The following INSR variants were observed in gnomAD, a reference collection of about 807,000 sequenced individuals.
INSR encodes the protein IR.
INSR carries 67 observed loss-of-function variants against 142.6 expected under a neutral mutation model. The observed-to-expected ratio is 0.47, with a 90% CI of 0.39 to 0.58. The LOEUF (loss-of-function observed/expected upper bound fraction) is 0.58, where lower values mean the gene tolerates loss of function less well. Ranked by LOEUF, INSR falls within the 20% of genes least tolerant of loss-of-function variation. The pLI, the probability that INSR is intolerant of heterozygous loss-of-function variation, is 0.00. For missense variants in INSR, 1,248 were observed against 1,833.2 expected, an observed-to-expected ratio of 0.68 and a Z score of 5.83; for synonymous variants, 756 against 743.1, an observed-to-expected ratio of 1.02 and a Z score of -0.28.
At chr19:7,158,883 A>G (rs933293675) in intron 9 of INSR, among the ~76,000 whole-genome samples, 1 of 152,142 alleles carries the variant, frequency 6.6e-6, no homozygotes, top group Non-Finnish European at 1.5e-5. Context: ...CACATAAAAT[A>G]TACCAATTTA....
intron 4 of INSR, 94 bp downstream of exon 4, chr19:7,174,489 G>A (rs910890161): frequency 2.9e-6 from 4 of 1,390,578 alleles, no homozygotes; most frequent in Admixed American, 1.7e-5. Context: ...GTAGGAGCAC[G>A]CAGCAGGGTC....
intron 2 of INSR, among the ~76,000 whole-genome samples, chr19:7,210,832 C>G (rs2145072306): frequency 6.6e-6 from 1 of 152,132 alleles, no homozygotes; most frequent in East Asian, 1.9e-4. Flanking sequence ...CGGTTTCAAG[C>G]AATTCTCCTG....
intron 1 of INSR, among the ~76,000 whole-genome samples, chr19:7,287,843 C>T (rs994320596): frequency 2.6e-5 from 4 of 152,134 alleles, no homozygotes; most frequent in African/African-American, 4.8e-5. Flanking sequence ...GGTCAGCAAA[C>T]GCTGTTCTGT....
intron 2 of INSR, among the ~76,000 whole-genome samples, chr19:7,194,423 A>G (rs201024369): frequency 8.0e-5 from 3 of 37,336 alleles, no homozygotes; most frequent in African/African-American, 7.8e-4. Context: ...TCTCAAAAAA[A>G]GAAAAAAAAA....
At chr19:7,130,794 TC>T (rs1972758176) in intron 14 of INSR, among the ~76,000 whole-genome samples, 1 of 152,032 alleles carries the variant, frequency 6.6e-6, no homozygotes, top group African/African-American at 2.4e-5. Flanking sequence ...TTCTCTTCTT[TC>T]TTTTTCTTTC....
chr19:7,135,546 G>A (rs1039901429), intron 13 of INSR, among the ~76,000 whole-genome samples: 15 of 150,660 alleles, frequency 1.0e-4, no homozygotes, highest in Non-Finnish European at 1.9e-4. Flanking sequence ...GCATGGTGGC[G>A]GATGGCGGGC....
chr19:7,289,917 C>T (rs1339591320), intron 1 of INSR, among the ~76,000 whole-genome samples: 8 of 152,156 alleles, frequency 5.3e-5, no homozygotes, highest in African/African-American at 9.7e-5. Context: ...CAGCCCCCAC[C>T]ACCAGGAATG....
rs900652107 is a variant in INSR, at chr19:7,192,861, G to A, written c.653-8224C>T. Among the ~76,000 whole-genome samples the A allele has an allele frequency of 6.6e-6, 1 of 152,110 alleles. No homozygotes were observed. Among genetic ancestry groups the A allele is most frequent in the Admixed American group, 6.6e-5 (1 of 15,240 alleles). ...TCATCTTCCTGAAACTTTCAGCTGCGGTGGCTTTTTCACTATACACTGCTG... is the reference window on the plus strand; with the variant it reads ...TCATCTTCCTGAAACTTTCAGCTGCAGTGGCTTTTTCACTATACACTGCTG... On this transcript the variant is annotated intron_variant, in intron 2 of 21. Coordinates refer to ENST00000302850, the MANE Select transcript of INSR (RefSeq NM_000208.4). The surrounding 1 kb of genome is among the most constrained non-coding windows in gnomAD (Gnocchi z 4.2).
In INSR at chr19:7,119,709, A is replaced by AAC; in HGVS notation, c.3660-128_3660-127dup. ...ACACACATGCCAACACATACATGCA[A>AAC]ACACACACATGCAAACACACACGCA... On this transcript the variant is annotated intron_variant, in intron 20 of 21. Transcript: ENST00000302850. The surrounding 1 kb of genome is among the most constrained non-coding windows in gnomAD (Gnocchi z 5.2). 2 of 1,067,124 alleles carry AAC rather than the reference A, an allele frequency of 1.9e-6. No individual in the cohort carries two copies. Among genetic ancestry groups the AAC allele is most frequent in the Non-Finnish European group, 2.8e-6 (2 of 707,934 alleles). The allele number at this position is 1,067,124 out of a possible 1,614,324, so 66.1% of individuals were successfully genotyped here.
intron 2 of INSR, among the ~76,000 whole-genome samples, chr19:7,217,810 T>C (rs554024629): frequency 4.1e-4 from 63 of 152,326 alleles, no homozygotes; most frequent in African/African-American, 1.3e-3. Flanking sequence ...CCACCCGCCT[T>C]GGCCTCCCAA....
chr19:7,279,180 C>G (rs1225360020), intron 1 of INSR, among the ~76,000 whole-genome samples: 1 of 151,736 alleles, frequency 6.6e-6, no homozygotes, highest in Non-Finnish European at 1.5e-5. Flanking sequence ...TCCCTCTAGA[C>G]AGGGCACAGT....
At chr19:7,174,394 G>A (rs1974088193) in intron 4 of INSR, among the ~76,000 whole-genome samples, 189 bp downstream of exon 4, 1 of 152,128 alleles carries the variant, frequency 6.6e-6, no homozygotes, top group African/African-American at 2.4e-5. Context: ...GGCCAAGACT[G>A]AGCTGTTCAT....
chr19:7,150,772 T>A lies in INSR; in HGVS notation c.2232-240A>T, dbSNP rs1482499451. 6.6e-6 allele frequency among the ~76,000 whole-genome samples: 1 copy of A among 152,120 alleles called. No individual in the cohort carries two copies. Among genetic ancestry groups the A allele is most frequent in the Non-Finnish European group, 1.5e-5 (1 of 68,008 alleles). ...TCTCCCCAGAGACGGCCTGCTGAGGTGGCCCTGGGATGTCAAACGTGACTA... is the reference window on the plus strand; with the variant it reads ...TCTCCCCAGAGACGGCCTGCTGAGGAGGCCCTGGGATGTCAAACGTGACTA... On this transcript the variant is annotated intron_variant, in intron 10 of 21. Coordinates refer to ENST00000302850, the MANE Select transcript of INSR (RefSeq NM_000208.4). The surrounding 1 kb of genome is among the most constrained non-coding windows in gnomAD (Gnocchi z 4.2).
At chr19:7,288,658 GAAAAAAAAA>G (rs57281993) in intron 1 of INSR, among the ~76,000 whole-genome samples, 1,015 of 97,128 alleles carry the variant, frequency 0.01, 16 homozygotes, top group African/African-American at 0.032. Flanking sequence ...ATAAAAATTG[GAAAAAAAAA>G]AAAAAAAAAA....
intron 11 of INSR, among the ~76,000 whole-genome samples, chr19:7,148,477 C>CTTTTTTTTTTTTTTTTTTTTT (rs71177160): frequency 1.1e-5 from 1 of 95,062 alleles, no homozygotes; most frequent in Non-Finnish European, 1.9e-5. Context: ...TGTATTTATT[C>CTTTTTTTTTTTTTTTTTTTTT]TTTTTTTTTT....
At chr19:7,117,688 C>A (rs1972370724) in intron 21 of INSR, among the ~76,000 whole-genome samples, 1 of 152,136 alleles carries the variant, frequency 6.6e-6, no homozygotes, top group African/African-American at 2.4e-5. Flanking sequence ...CTCACTGCAG[C>A]CTCTGCCTCC....
At position 7,141,764 on chromosome 19, in the gene INSR, G is replaced by A. The variant is rs2229431; in HGVS notation, c.2595C>T (p.Asn865=). Residue 865 remains asparagine (N), a synonymous_variant, in exon 13 of 22, where the codon AAC becomes AAT. Coordinates refer to ENST00000302850, the MANE Select transcript of INSR (RefSeq NM_000208.4). The stretch of plus-strand genomic sequence containing the variant: ...GCTCCTGCCACATCAAGTGGACGAC[G>A]TTGTTCTCAAAGATTTCATGCGTCA... The part of the protein sequence containing the change: ...GPVTHEIFEN[N]VVHLMWQEPK... 93,160 of 1,614,032 alleles carry A rather than the reference G, an allele frequency of 0.058. 3,258 individuals are homozygous for A. The highest frequency in any genetic ancestry group is 0.16 in the African/African-American group (11,671 of 75,014).
chr19:7,228,002 C>CA (rs1430008639), intron 2 of INSR, among the ~76,000 whole-genome samples: 1 of 151,910 alleles, frequency 6.6e-6, no homozygotes, highest in African/African-American at 2.4e-5. Context: ...GGAGGTAAAT[C>CA]AGACTGTCCC....
chr19:7,167,885 G>A, intron 7 of INSR, 83 bp downstream of exon 7: 1 of 1,560,454 alleles, frequency 6.4e-7, no homozygotes. Context: ...GAACCCAAGA[G>A]GGGCAGATTG....
Sources: gnomAD v4.1 joint callset for allele counts (sites outside exome capture counted in the v4.1 genomes callset) on GRCh38, gnomAD v4.1.1 for gene constraint, Gnocchi (gnomAD v3.1) non-coding constraint, MANE v1.5 for transcripts, NCBI Gene and HGNC (gene_info 2026-07-23, HGNC 2026-07-21) for gene names.